ZFHX3: variants seen among roughly 807,000 people sequenced by gnomAD.
The protein encoded by ZFHX3 is zinc finger homeobox 3.
A neutral mutation model predicts 279.1 loss-of-function variants in ZFHX3; 42 were observed. That is an observed-to-expected ratio of 0.15 (90% CI 0.12 to 0.19). The LOEUF is 0.19. Ranked by LOEUF, ZFHX3 falls within the 10% of genes least tolerant of loss-of-function variation. The pLI is 1.00. For missense variants in ZFHX3, 4,981 were observed against 4,754.0 expected (o/e 1.05, Z -1.40); for synonymous variants, 2,293 against 1,957.8 (o/e 1.17, Z -4.52).
At chr16:73,474,925 C>T (rs2018738938) in intron 2 of ZFHX3, among the ~76,000 whole-genome samples, 1 of 152,158 alleles carries the variant, frequency 6.6e-6, no homozygotes, top group Admixed American at 6.5e-5. Context: ...TACATTATTT[C>T]TTTCCAAATG....
At chr16:73,036,207 A>C (rs1409466859) in intron 1 of ZFHX3, among the ~76,000 whole-genome samples, 3 of 152,346 alleles carry the variant, frequency 2.0e-5, no homozygotes, top group Non-Finnish European at 2.9e-5. Flanking sequence ...CAGGCAGCAC[A>C]GATGTGGCCC....
At chr16:73,110,709 G>A (rs1018106421) in intron 7 of ZFHX3, among the ~76,000 whole-genome samples, 1 of 152,000 alleles carries the variant, frequency 6.6e-6, no homozygotes, top group Admixed American at 6.6e-5. Context: ...GACTACAGGT[G>A]CGTATCAACA....
At position 73,448,277 on chromosome 16, in the gene ZFHX3, C is replaced by T. The variant is rs564388322; in HGVS notation, c.-1291+7726G>A. ...TGAAACACCCATCTGGGAGAAAATACAACCCAAGGGAAAACAACTATCTTT... is the reference window on the plus strand; with the variant it reads ...TGAAACACCCATCTGGGAGAAAATATAACCCAAGGGAAAACAACTATCTTT... On this transcript the variant is annotated intron_variant, in intron 3 of 17. Transcript: ENST00000641206. Among the ~76,000 whole-genome samples, 156 of 152,278 alleles carry T rather than the reference C, an allele frequency of 1.0e-3. 1 individual carries two copies. Among genetic ancestry groups the T allele is most frequent in the African/African-American group, 3.5e-3 (147 of 41,566 alleles).
intron 1 of ZFHX3, among the ~76,000 whole-genome samples, chr16:72,993,480 G>C (rs1438926701): frequency 6.6e-6 from 1 of 152,088 alleles, no homozygotes; most frequent in Non-Finnish European, 1.5e-5. Context: ...CTTCCAAATA[G>C]AGCAGCTGCC....
chr16:73,336,491 G>C (rs2143244078), intron 3 of ZFHX3, among the ~76,000 whole-genome samples: 1 of 150,248 alleles, frequency 6.7e-6, no homozygotes, highest in African/African-American at 2.5e-5. Flanking sequence ...TGTGGTGTTT[G>C]ATTTTCTGTT....
chr16:73,251,906 C>CAT (rs1453070832), intron 5 of ZFHX3, among the ~76,000 whole-genome samples: 7 of 123,100 alleles, frequency 5.7e-5, no homozygotes, highest in African/African-American at 2.2e-4. Context: ...CATGCACACA[C>CAT]ACACACCACA....
intron 3 of ZFHX3, among the ~76,000 whole-genome samples, chr16:73,418,632 G>C (rs1012553238): frequency 6.6e-6 from 1 of 152,198 alleles, no homozygotes. Context: ...TATATACAAA[G>C]TGTTGTGTAC....
chr16:72,885,456 A>G (rs1219639799), intron 4 of ZFHX3, among the ~76,000 whole-genome samples: 1 of 152,252 alleles, frequency 6.6e-6, no homozygotes, highest in African/African-American at 2.4e-5. Context: ...CTCCAGACCC[A>G]CAGGTTCACA....
chr16:73,515,163 T>C (rs1182525945), intron 2 of ZFHX3, among the ~76,000 whole-genome samples: 1 of 152,218 alleles, frequency 6.6e-6, no homozygotes, highest in African/African-American at 2.4e-5. Flanking sequence ...ATAACTTTCA[T>C]TGACCTAAAT....
At chr16:73,259,720 G>A (rs778183632) in intron 4 of ZFHX3, among the ~76,000 whole-genome samples, 8 of 152,166 alleles carry the variant, frequency 5.3e-5, no homozygotes, top group Non-Finnish European at 1.0e-4. Context: ...ATAGTGAAGA[G>A]AATTTCTATA....
chr16:73,881,480 G>GGC lies in ZFHX3; in HGVS notation c.-1608+10170_-1608+10171insGC, dbSNP rs1555506560. 1.3e-4 allele frequency among the ~76,000 whole-genome samples: 3 copies of GGC among 23,578 alleles called. 1 individual carries two copies. The East Asian group carries it at 4.4e-3, about 35-fold the overall frequency. The allele number at this position is 23,578 out of a possible 152,430, so 15.5% of individuals were successfully genotyped here. ...TCTCTCTCTCTCTCTCTCTCTCTCT[G>GGC]CCCCCCCCCCCCACTCTGCCCATGG... is the stretch of plus-strand genomic sequence containing the variant. On this transcript the variant is annotated intron_variant, in intron 1 of 17. Coordinates refer to the ZFHX3 transcript ENST00000641206.
At chr16:73,154,956 T>C (rs1967037672) in intron 5 of ZFHX3, among the ~76,000 whole-genome samples, 1 of 151,976 alleles carries the variant, frequency 6.6e-6, no homozygotes, top group South Asian at 2.1e-4. Context: ...GGAGGATCAC[T>C]TGAGCCCAGG....
chr16:73,613,438 C>G (rs1254826385), intron 2 of ZFHX3, among the ~76,000 whole-genome samples: 1 of 149,224 alleles, frequency 6.7e-6, no homozygotes, highest in East Asian at 2.0e-4. Context: ...TTAGCTTTTG[C>G]TTTTTTTGTT....
At chr16:73,631,434 C>G (rs549629680) in intron 2 of ZFHX3, among the ~76,000 whole-genome samples, 5 of 152,286 alleles carry the variant, frequency 3.3e-5, no homozygotes, top group African/African-American at 1.2e-4. Flanking sequence ...TATCTACCAT[C>G]TTATCTTTTC....
At chr16:73,775,152 C>T (rs918016793) in intron 1 of ZFHX3, among the ~76,000 whole-genome samples, 1 of 152,126 alleles carries the variant, frequency 6.6e-6, no homozygotes, top group Non-Finnish European at 1.5e-5. Flanking sequence ...GGGAAAGCGC[C>T]GTTGAGAATA....
At chr16:72,819,760 G>A (rs141827198) in intron 5 of ZFHX3, among the ~76,000 whole-genome samples, 102 of 152,318 alleles carry the variant, frequency 6.7e-4, no homozygotes, top group African/African-American at 1.9e-3. Flanking sequence ...TAGCCTAGAT[G>A]TTTTAAAACA....
At chr16:73,255,868 A>G (rs894403679) in intron 5 of ZFHX3, among the ~76,000 whole-genome samples, 8 of 152,148 alleles carry the variant, frequency 5.3e-5, no homozygotes, top group East Asian at 1.9e-4. Flanking sequence ...AGCTCTGAAC[A>G]TGGCCTGGTG....
At chr16:73,632,696 A>G (rs1352699853) in intron 2 of ZFHX3, among the ~76,000 whole-genome samples, 3 of 151,800 alleles carry the variant, frequency 2.0e-5, no homozygotes, top group Admixed American at 6.6e-5. Context: ...AAAAAAAAAA[A>G]AAAGAAAAGA....
chr16:73,155,536 A>G (rs1597188891), intron 5 of ZFHX3, among the ~76,000 whole-genome samples: 1 of 152,294 alleles, frequency 6.6e-6, no homozygotes, highest in East Asian at 1.9e-4. Context: ...AATAATATAT[A>G]TGAAGCCTGG....
Sources: allele counts gnomAD v4.1 joint callset (sites outside exome capture counted in the v4.1 genomes callset), GRCh38; gene constraint gnomAD v4.1.1; transcripts MANE v1.5; gene names NCBI Gene and HGNC (gene_info 2026-07-23, HGNC 2026-07-21).